The following KEAP1 variants were observed in gnomAD, a reference collection of about 807,000 sequenced individuals.
KEAP1 encodes the protein kelch like ECH associated protein 1.
In KEAP1, 26 loss-of-function variants were observed where a neutral mutation model predicts 59.7. That is an observed-to-expected ratio of 0.44 (90% CI 0.32 to 0.60). The LOEUF (loss-of-function observed/expected upper bound fraction) is 0.60. Among genes scored for constraint, KEAP1 ranks in the 20% least tolerant of loss-of-function variants. The probability of loss-of-function intolerance (pLI) is 0.06; values close to 1 mark genes in which losing one functional copy is unlikely to be tolerated. For synonymous variants in KEAP1, 350 were observed against 358.3 expected, an observed-to-expected ratio of 0.98 and a Z score of 0.26; for missense variants, 539 against 871.4, an observed-to-expected ratio of 0.62 and a Z score of 4.80.
intron 2 of KEAP1, 22 bp from the exon 3 acceptor site, chr19:10,492,284 C>T: frequency 6.3e-7 from 1 of 1,585,530 alleles, no homozygotes; most frequent in Non-Finnish European, 8.6e-7. Context: ...GACAGTGGGA[C>T]GGGCTGACTC....
At chr19:10,490,674 G>A (rs1339241761) in intron 3 of KEAP1, 1 of 152,142 alleles carries the variant, frequency 6.6e-6, no homozygotes, top group Non-Finnish European at 1.5e-5. Flanking sequence ...GAGTAGCTGG[G>A]ACTACAGGTG....
At chr19:10,492,580 T>C (rs2144606511) in intron 2 of KEAP1, 1 of 278,870 alleles carries the variant, frequency 3.6e-6, no homozygotes, top group Non-Finnish European at 7.0e-6. Context: ...TACCCGGGTG[T>C]GGTGGCACAC....
At chr19:10,489,948 T>C (rs1448144142) in intron 3 of KEAP1, 95 bp from the exon 4 acceptor site, 4 of 1,265,028 alleles carry the variant, frequency 3.2e-6, no homozygotes, top group Non-Finnish European at 4.4e-6. Flanking sequence ...CCTTTTTTTT[T>C]TCCCCCTTAA....
At position 10,499,787 on chromosome 19, in the gene KEAP1, C is replaced by T. The variant is rs372437795; in HGVS notation, c.247G>A (p.Val83Ile). The T allele has an allele frequency of 1.4e-5, 22 of 1,614,004 alleles. No individual in the cohort carries two copies. The highest frequency in any genetic ancestry group is 1.9e-5 in the Non-Finnish European group (22 of 1,180,044). Reference protein sequence around the residue: ...SQQLCDVTLQVKYQDAPAAQF... With the variant: ...SQQLCDVTLQIKYQDAPAAQF... ...GCGGCCGGTGCATCCTGGTACTTGA[C>T]CTGCAGTGTGACGTCACACAGCTGC... Residue 83 changes from valine (V) to isoleucine (I), a missense_variant, in exon 2 of 6, where the codon GTC becomes ATC. Coordinates refer to ENST00000171111, the MANE Select transcript of KEAP1 (RefSeq NM_203500.2). The surrounding 1 kb of genome is among the most constrained non-coding windows in gnomAD (Gnocchi z 6.7).
Position 10,499,648 on chromosome 19 carries a change from T to C in KEAP1, c.386A>G (p.His129Arg), listed in dbSNP as rs1914968864. ...GMEVVSIEGI[H>R]PKVMERLIEF... Reference sequence around the variant, plus strand: ...AATGAGGCGCTCCATGACCTTGGGGTGGATACCCTCAATGGACACCACCTC... The same window carrying C: ...AATGAGGCGCTCCATGACCTTGGGGCGGATACCCTCAATGGACACCACCTC... The change falls in exon 2 of 6, where the codon CAC becomes CGC. Residue 129 changes from histidine to arginine, a missense_variant. His to Arg is a conservative substitution (Grantham distance 29, BLOSUM62 0). Around this residue, in one of 4 missense-constraint regions of KEAP1, gnomAD observed 166 missense variants for 295.8 expected, o/e 0.56. Coordinates refer to ENST00000171111, the MANE Select transcript of KEAP1 (RefSeq NM_203500.2). This position sits in a 1 kb window ranked among gnomAD's most constrained non-coding sequence, Gnocchi z 6.7. 5 of 1,613,868 alleles carry C rather than the reference T, an allele frequency of 3.1e-6. No individual in the cohort carries two copies. The highest frequency in any genetic ancestry group is 4.2e-6 in the Non-Finnish European group (5 of 1,179,982).
Position 10,491,479 on chromosome 19 carries a change from A to G in KEAP1, c.1325+98T>C. 1 of 1,059,634 alleles carries G rather than the reference A, an allele frequency of 9.4e-7. No homozygotes were observed. The highest frequency in any genetic ancestry group is 1.3e-6 in the Non-Finnish European group (1 of 773,408). The allele number at this position is 1,059,634 out of a possible 1,614,324, so 65.6% of individuals were successfully genotyped here. ...GAGGCCTCCACTCCCTGAAGACAGG[A>G]AGAGGAAACAGCCTCAGGAAGAATA... On this transcript the variant is annotated intron_variant, in intron 3 of 5. Coordinates refer to ENST00000171111, the MANE Select transcript of KEAP1 (RefSeq NM_203500.2). This position sits in a 1 kb window ranked among gnomAD's most constrained non-coding sequence, Gnocchi z 5.2.
Position 10,491,654 on chromosome 19 carries a change from G to C in KEAP1, c.1248C>G (p.Ile416Met), listed in dbSNP as rs1029070607. ...CAPMSVPRNR[I>M]GVGVIDGHIY... ...TGTGGCCATCGATGACCCCCACCCC[G>C]ATGCGGTTACGGGGCACGCTCATGG... The change falls in exon 3 of 6, where the codon ATC becomes ATG. Residue 416 changes from isoleucine (I) to methionine (M), a missense_variant. Physicochemically the swap from Ile to Met is conservative, Grantham distance 10. This residue lies in a region of KEAP1 where 311 missense variants were observed against 425.2 expected (regional missense o/e 0.73). Coordinates refer to ENST00000171111, the MANE Select transcript of KEAP1 (RefSeq NM_203500.2). The surrounding 1 kb of genome is among the most constrained non-coding windows in gnomAD (Gnocchi z 5.2). The C allele has an allele frequency of 6.3e-7, 1 of 1,591,404 alleles. No homozygotes were observed. The highest frequency in any genetic ancestry group is 8.5e-7 in the Non-Finnish European group (1 of 1,169,940).
At chr19:10,497,578 G>A (rs1914893536) in intron 2 of KEAP1, among the ~76,000 whole-genome samples, 1 of 152,154 alleles carries the variant, frequency 6.6e-6, no homozygotes, top group South Asian at 2.1e-4. Flanking sequence ...CACAGCAAGT[G>A]CTCAATAAAC....
rs1317571151 is a variant in KEAP1 at position 10,502,636 on chromosome 19, G to A, written c.-48+605C>T. Reference sequence around the variant, plus strand: ...GCCCGTTTTCCTGGTCTCCGGGCACGGCCGCAGGGGCGCTCGCGGCCCGCG... The same window carrying A: ...GCCCGTTTTCCTGGTCTCCGGGCACAGCCGCAGGGGCGCTCGCGGCCCGCG... On this transcript the variant is annotated intron_variant, in intron 1 of 5. Coordinates refer to ENST00000171111, the MANE Select transcript of KEAP1 (RefSeq NM_203500.2). This position sits in a 1 kb window ranked among gnomAD's most constrained non-coding sequence, Gnocchi z 4.0. The A allele has an allele frequency of 6.6e-6, 1 of 152,004 alleles. No homozygotes were observed. The highest frequency in any genetic ancestry group is 2.4e-5 in the African/African-American group (1 of 41,428). The allele number at this position is 152,004 out of a possible 1,614,324, so 9.4% of individuals were successfully genotyped here.
intron 5 of KEAP1, 101 bp downstream of exon 5, chr19:10,489,091 T>G: frequency 1.1e-6 from 1 of 913,442 alleles, no homozygotes; most frequent in East Asian, 2.8e-5. Context: ...GAGACCTTGT[T>G]TCTAAAAAAA....
In KEAP1 at chr19:10,491,846, C is replaced by T. The variant is rs2144599847; in HGVS notation, c.1056G>A (p.Trp352Ter). The T allele has an allele frequency of 6.2e-7, 1 of 1,609,948 alleles. No individual in the cohort carries two copies. Among genetic ancestry groups the T allele is most frequent in the Non-Finnish European group, 8.5e-7 (1 of 1,178,406 alleles). The change falls in exon 3 of 6, where the codon TGG (tryptophan) becomes TGA (stop). Residue 352 changes from tryptophan (W) to a stop codon, truncating the protein, a stop_gained. Coordinates refer to ENST00000171111, the MANE Select transcript of KEAP1 (RefSeq NM_203500.2). LOFTEE classifies it high-confidence loss of function. The surrounding 1 kb of genome is among the most constrained non-coding windows in gnomAD (Gnocchi z 5.2). ...LEAYNPSDGT[W>*]LRLADLQVPR... ...GCACCTGCAGGTCCGCCAACCGGAG[C>T]CAGGTGCCGTCACTGGGGTTGTAAG... is the stretch of plus-strand genomic sequence containing the variant.
In KEAP1 at chr19:10,502,917, G is replaced by C. The variant is rs974103241; in HGVS notation, c.-48+324C>G. The C allele has an allele frequency of 2.6e-4, 40 of 152,228 alleles. No homozygotes were observed. The highest frequency in any genetic ancestry group is 9.1e-4 in the African/African-American group (38 of 41,566). 9.4% of individuals were successfully genotyped at this position (152,228 alleles called of 1,614,324 possible). On this transcript the variant is annotated intron_variant, in intron 1 of 5. Coordinates refer to ENST00000171111, the MANE Select transcript of KEAP1 (RefSeq NM_203500.2). The surrounding 1 kb of genome is among the most constrained non-coding windows in gnomAD (Gnocchi z 4.0). The stretch of plus-strand genomic sequence containing the variant: ...CCCACGCCTGCTGTCGCCCAGCTGC[G>C]CGGCCACCACGGCGCCCAGCATGGC...
At position 10,500,010 on chromosome 19, in the gene KEAP1, G is replaced by A. The variant is rs758239745; in HGVS notation, c.24C>T (p.Ser8=). The A allele has an allele frequency of 1.5e-5, 24 of 1,563,492 alleles. No individual in the cohort carries two copies. The East Asian group carries it at 2.0e-4, about 13-fold the overall frequency. The change falls in exon 2 of 6, where the codon AGC becomes AGT. Residue 8 remains serine, a synonymous_variant. Coordinates refer to ENST00000171111, the MANE Select transcript of KEAP1 (RefSeq NM_203500.2). The part of the protein sequence containing the change: MQPDPRP[S]GAGACCRFLP... ...GGAATCGGCAGCAGGCCCCAGCCCC[G>A]CTAGGCCTGGGATCTGGCTGCATGG...
At chr19:10,496,428 G>A (rs1166046312) in intron 2 of KEAP1, among the ~76,000 whole-genome samples, 2 of 151,378 alleles carry the variant, frequency 1.3e-5, no homozygotes, top group African/African-American at 4.9e-5. Flanking sequence ...CCCGAGAGGC[G>A]GAGGTTGCAG....
At position 10,489,864 on chromosome 19, in the gene KEAP1, G is replaced by A. The variant is rs759542403; in HGVS notation, c.1326-11C>T. The A allele has an allele frequency of 7.1e-5, 114 of 1,609,576 alleles. No homozygotes were observed. Among genetic ancestry groups the A allele is most frequent in the Non-Finnish European group, 7.8e-5 (92 of 1,177,940 alleles). Reference sequence around the variant, plus strand: ...CGCTCTGGCTCATACCTGCAAGGGCGTAAGAAAAATGGGGACAATGGCCAT... The same window carrying A: ...CGCTCTGGCTCATACCTGCAAGGGCATAAGAAAAATGGGGACAATGGCCAT... On this transcript the variant is annotated splice_polypyrimidine_tract_variant and intron_variant, in intron 3 of 5. Coordinates refer to ENST00000171111, the MANE Select transcript of KEAP1 (RefSeq NM_203500.2).
At chr19:10,493,898 C>G (rs1381830596) in intron 2 of KEAP1, among the ~76,000 whole-genome samples, 2 of 151,876 alleles carry the variant, frequency 1.3e-5, no homozygotes, top group African/African-American at 2.4e-5. Context: ...CTGCCCATCT[C>G]AGCCTCCCTA....
At position 10,502,028 on chromosome 19, in the gene KEAP1, C is replaced by G. The variant is rs1321158573; in HGVS notation, c.-48+1213G>C. On this transcript the variant is annotated intron_variant, in intron 1 of 5. Coordinates refer to ENST00000171111, the MANE Select transcript of KEAP1 (RefSeq NM_203500.2). The surrounding 1 kb of genome is among the most constrained non-coding windows in gnomAD (Gnocchi z 4.0). ...TTGCTTGTCTGTTGATCGACTGTCTCTCGTCCCCGGCCCCAGCGCCTCAAA... is the reference window on the plus strand; with the variant it reads ...TTGCTTGTCTGTTGATCGACTGTCTGTCGTCCCCGGCCCCAGCGCCTCAAA... 1.3e-5 allele frequency among the ~76,000 whole-genome samples: 2 copies of G among 152,246 alleles called. No homozygotes were observed. Among genetic ancestry groups the G allele is most frequent in the Non-Finnish European group, 2.9e-5 (2 of 68,052 alleles).
rs754305147 is a variant in KEAP1, at chr19:10,486,629, T to C, written c.*23A>G. ...ATGATACTCCCCATTGGACTGTATT[T>C]TTGCCCAAGAAACAAAAGTGCCTCA... On this transcript the variant is annotated 3_prime_UTR_variant, in exon 6 of 6. Coordinates refer to ENST00000171111, the MANE Select transcript of KEAP1 (RefSeq NM_203500.2). 3.3e-5 allele frequency: 53 copies of C among 1,610,436 alleles called. No homozygotes were observed. The highest frequency in any genetic ancestry group is 4.2e-5 in the Non-Finnish European group (49 of 1,178,016).
chr19:10,488,006 TAACC>T (rs1914528532), intron 5 of KEAP1, among the ~76,000 whole-genome samples: 1 of 152,112 alleles, frequency 6.6e-6, no homozygotes, highest in African/African-American at 2.4e-5. Flanking sequence ...CGCATGCCTG[TAACC>T]TCAGCTACTC....
Sources: gnomAD v4.1 joint callset for allele counts (sites outside exome capture counted in the v4.1 genomes callset) on GRCh38, gnomAD v4.1.1 for gene constraint, gnomAD v4.1.1 regional missense constraint, Gnocchi (gnomAD v3.1) non-coding constraint, MANE v1.5 for transcripts, NCBI Gene and HGNC (gene_info 2026-07-23, HGNC 2026-07-21) for gene names.